The following PTPRO variants were observed in gnomAD, a reference collection of about 807,000 sequenced individuals.
The protein encoded by PTPRO is protein tyrosine phosphatase receptor type O, also known as receptor-type tyrosine-protein phosphatase O.
Under a neutral mutation model 145.2 loss-of-function variants are expected in PTPRO, and 62 were observed. The observed-to-expected ratio is 0.43, with a 90% confidence interval of 0.35 to 0.53. The LOEUF (loss-of-function observed/expected upper bound fraction) is 0.53. PTPRO is among the 20% of genes least tolerant of loss of function. PTPRO has a pLI of 0.01. For synonymous variants in PTPRO, 565 were observed against 514.7 expected (o/e 1.10, Z -1.32); for missense variants, 1,345 against 1,482.7 (o/e 0.91, Z 1.53).
chr12:15,492,013 T>C (rs1177560849), intron 2 of PTPRO, among the ~76,000 whole-genome samples: 1 of 152,222 alleles, frequency 6.6e-6, no homozygotes, highest in Non-Finnish European at 1.5e-5. Flanking sequence ...ATATTCATCT[T>C]ACTACCGAGG....
chr12:15,389,104 A>AT (rs148751888), intron 1 of PTPRO, among the ~76,000 whole-genome samples: 10,731 of 137,712 alleles, frequency 0.078, 485 homozygotes, highest in East Asian at 0.16. Flanking sequence ...TAAATAAAGA[A>AT]TTTTTTTTTT....
intron 1 of PTPRO, among the ~76,000 whole-genome samples, chr12:15,369,514 T>C (rs1280421942): frequency 6.6e-6 from 1 of 152,194 alleles, no homozygotes; most frequent in African/African-American, 2.4e-5. Context: ...AAATTCAAAA[T>C]AATTGATGGG....
In PTPRO at chr12:15,331,569, A is replaced by T. The variant is rs575047352; in HGVS notation, c.75+8768A>T. 1.6e-4 allele frequency among the ~76,000 whole-genome samples: 24 copies of T among 152,366 alleles called. No homozygotes were observed. In the East Asian group the frequency reaches 4.6e-3, roughly 29 times the overall value. The stretch of plus-strand genomic sequence containing the variant: ...AAAATGACCACAAAGTACTGGGAAC[A>T]GTGCCTAGAATACAGTGAGCACTCA... On this transcript the variant is annotated intron_variant, in intron 1 of 26. Transcript: ENST00000281171.
At chr12:15,469,166 G>A (rs191637893) in intron 1 of PTPRO, among the ~76,000 whole-genome samples, 4 of 152,300 alleles carry the variant, frequency 2.6e-5, no homozygotes, top group Admixed American at 2.6e-4. Context: ...TAAATGATTA[G>A]CACCACCATC....
At chr12:15,460,488 AT>A (rs1941277064) in intron 1 of PTPRO, among the ~76,000 whole-genome samples, 1 of 152,218 alleles carries the variant, frequency 6.6e-6, no homozygotes, top group Admixed American at 6.5e-5. Flanking sequence ...TTATTTTAAA[AT>A]AATAAATAAT....
intron 4 of PTPRO, among the ~76,000 whole-genome samples, chr12:15,501,323 A>G (rs1031392211): frequency 6.6e-6 from 1 of 152,184 alleles, no homozygotes; most frequent in Non-Finnish European, 1.5e-5. Context: ...AAAAATATTT[A>G]TATACTCTGC....
At chr12:15,443,495 A>T (rs1250186800) in intron 1 of PTPRO, among the ~76,000 whole-genome samples, 1 of 152,150 alleles carries the variant, frequency 6.6e-6, no homozygotes, top group African/African-American at 2.4e-5. Flanking sequence ...AAAAAATGAC[A>T]AGTGGACCTA....
At chr12:15,335,117 T>C (rs571566142) in intron 1 of PTPRO, among the ~76,000 whole-genome samples, 2 of 152,230 alleles carry the variant, frequency 1.3e-5, no homozygotes, top group African/African-American at 2.4e-5. Flanking sequence ...ATTATAAAAA[T>C]TGAAGTGTTG....
intron 1 of PTPRO, among the ~76,000 whole-genome samples, chr12:15,324,529 G>T (rs576064788): frequency 6.6e-6 from 1 of 152,278 alleles, no homozygotes; most frequent in South Asian, 2.1e-4. Context: ...GTATATTCCT[G>T]AACATTGCAG....
intron 1 of PTPRO, among the ~76,000 whole-genome samples, chr12:15,396,550 A>G (rs942375943): frequency 6.6e-6 from 1 of 152,284 alleles, no homozygotes; most frequent in East Asian, 1.9e-4. Flanking sequence ...TTATTCTTAA[A>G]TTGATGTGAT....
At chr12:15,430,322 A>C (rs527675196) in intron 1 of PTPRO, among the ~76,000 whole-genome samples, 36 of 152,106 alleles carry the variant, frequency 2.4e-4, no homozygotes, top group African/African-American at 6.3e-4. Flanking sequence ...GTGGGTGAGA[A>C]GGTAGGGATC....
At chr12:15,368,073 A>C (rs1938417008) in intron 1 of PTPRO, among the ~76,000 whole-genome samples, 1 of 152,210 alleles carries the variant, frequency 6.6e-6, no homozygotes, top group South Asian at 2.1e-4. Context: ...CTTCCCATTC[A>C]GGGGAAATGT....
rs369521653 is a variant in PTPRO, at chr12:15,400,004, T to A, written c.75+77203T>A. Among the ~76,000 whole-genome samples, 8 of 144,714 alleles carry A rather than the reference T, an allele frequency of 5.5e-5. No homozygotes were observed. The South Asian group carries it at 1.9e-3, about 34-fold the overall frequency. 94.9% of individuals were successfully genotyped at this position (144,714 alleles called of 152,430 possible). A position where few individuals can be genotyped will look rare whatever the true frequency, so the allele number is the denominator to read the frequency against. On this transcript the variant is annotated intron_variant, in intron 1 of 26. Coordinates refer to ENST00000281171, the MANE Select transcript of PTPRO (RefSeq NM_030667.3). ...AGGTGGAGGTTGCAGTGAGCCCAGATTGCACTAGTGCACTCCAGCCTGGGT... is the reference window on the plus strand; with the variant it reads ...AGGTGGAGGTTGCAGTGAGCCCAGAATGCACTAGTGCACTCCAGCCTGGGT...
intron 1 of PTPRO, among the ~76,000 whole-genome samples, chr12:15,430,601 G>A (rs547237750): frequency 1.5e-4 from 23 of 152,158 alleles, no homozygotes; most frequent in African/African-American, 4.3e-4. Context: ...GGAGATGTCC[G>A]TCAAAGAATA....
At chr12:15,559,833 A>G (rs1343153238) in intron 16 of PTPRO, among the ~76,000 whole-genome samples, 2 of 152,198 alleles carry the variant, frequency 1.3e-5, no homozygotes, top group African/African-American at 4.8e-5. Context: ...AGGCTTAAGC[A>G]TAGGAAGAAT....
At chr12:15,492,085 C>T (rs1942011483) in intron 2 of PTPRO, among the ~76,000 whole-genome samples, 1 of 152,112 alleles carries the variant, frequency 6.6e-6, no homozygotes, top group Non-Finnish European at 1.5e-5. Flanking sequence ...CTATATCATC[C>T]ACAATATTAA....
At chr12:15,520,039 A>G (rs1942681989) in intron 9 of PTPRO, among the ~76,000 whole-genome samples, 162 bp from the exon 10 acceptor site, 1 of 152,204 alleles carries the variant, frequency 6.6e-6, no homozygotes, top group African/African-American at 2.4e-5. Flanking sequence ...GTCTCATTTC[A>G]TTCTAGAAAG....
intron 1 of PTPRO, among the ~76,000 whole-genome samples, chr12:15,464,114 T>C (rs937459230): frequency 1.3e-5 from 2 of 151,462 alleles, no homozygotes; most frequent in African/African-American, 2.4e-5. Context: ...TAAGAAACAA[T>C]GCAAAGAGAG....
intron 7 of PTPRO, among the ~76,000 whole-genome samples, chr12:15,513,644 G>T (rs1942514659): frequency 1.3e-5 from 2 of 151,962 alleles, no homozygotes; most frequent in African/African-American, 4.8e-5. Flanking sequence ...AATCTTAATG[G>T]GACTCTAAAA....
Sources: allele counts gnomAD v4.1 joint callset (sites outside exome capture counted in the v4.1 genomes callset), GRCh38; gene constraint gnomAD v4.1.1; transcripts MANE v1.5; gene names NCBI Gene and HGNC (gene_info 2026-07-23, HGNC 2026-07-21).